Variants in GALNT13 observed in about 807,000 individuals in gnomAD.
GALNT13 encodes UDP-GalNAc:polypeptide N-acetylgalactosaminyltransferase 13.
GALNT13 carries 28 observed loss-of-function variants against 64.2 expected under a neutral mutation model. The observed-to-expected ratio is 0.44, with a 90% CI of 0.32 to 0.60. The LOEUF is 0.60. GALNT13 is among the 20% of genes least tolerant of loss of function. The pLI, the probability that GALNT13 is intolerant of heterozygous loss-of-function variation, is 0.05. For missense variants in GALNT13, 577 were observed against 669.8 expected (o/e 0.86, Z 1.53); for synonymous variants, 214 against 224.6 (o/e 0.95, Z 0.42).
chr2:153,526,945 A>C, the GALNT13 span, among the ~76,000 whole-genome samples: 1 of 152,166 alleles, frequency 6.6e-6, no homozygotes, highest in Non-Finnish European at 1.5e-5. Flanking sequence ...AACTGAGCAG[A>C]AGAAGAAACC....
chr2:153,894,949 G>T (rs1176364080), intron 1 of GALNT13, among the ~76,000 whole-genome samples: 3 of 152,120 alleles, frequency 2.0e-5, no homozygotes, highest in Non-Finnish European at 2.9e-5. Context: ...TGACCTGGTA[G>T]AGCAAACAAA....
At chr2:153,421,507 T>A in the GALNT13 span, 1 of 222,832 alleles carries the variant, frequency 4.5e-6, no homozygotes, top group Admixed American at 4.6e-5. Flanking sequence ...TTAGACTTTG[T>A]GGCATAATCA....
chr2:154,075,801 C>A (rs1700958255), intron 3 of GALNT13, among the ~76,000 whole-genome samples: 1 of 151,598 alleles, frequency 6.6e-6, no homozygotes, highest in African/African-American at 2.4e-5. Flanking sequence ...GTATCACTAA[C>A]TAACTTTGCA....
intron 4 of GALNT13, among the ~76,000 whole-genome samples, chr2:154,179,807 G>A (rs1178595366): frequency 1.4e-5 from 2 of 147,408 alleles, no homozygotes; most frequent in Non-Finnish European, 3.0e-5. Context: ...TTCTGGTTTG[G>A]GGACCCTCTT....
chr2:153,623,413 G>T, the GALNT13 span, among the ~76,000 whole-genome samples: 3,006 of 152,050 alleles, frequency 0.02, 100 homozygotes, highest in African/African-American at 0.07. Context: ...GTGGCACTTG[G>T]CATCAAATCT....
rs1312782134 is a variant in GALNT13 at position 153,998,093 on chromosome 2, T to TG, written c.142+53454_142+53455insG. 2.4e-3 allele frequency among the ~76,000 whole-genome samples: 367 copies of TG among 152,198 alleles called. 7 individuals are homozygous for TG. In the East Asian group the frequency reaches 0.055, roughly 23 times the overall value. On this transcript the variant is annotated intron_variant, in intron 3 of 12. Coordinates refer to ENST00000392825, the MANE Select transcript of GALNT13 (RefSeq NM_052917.4). ...AGTCTTTGCTATTGTGAACAGTGTC[T>TG]CAATAAACATATGTGTGCATGTGTC...
the GALNT13 span, among the ~76,000 whole-genome samples, chr2:153,623,582 T>G: frequency 6.6e-6 from 1 of 152,018 alleles, no homozygotes; most frequent in Non-Finnish European, 1.5e-5. Context: ...TTTTTTAAGC[T>G]TTTAAAATAC....
chr2:154,175,886 A>G (rs79647513), intron 4 of GALNT13, among the ~76,000 whole-genome samples: 4,878 of 152,268 alleles, frequency 0.032, 121 homozygotes, highest in Non-Finnish European at 0.043. Flanking sequence ...CAGTTATTGC[A>G]GTACGTCTAT....
chr2:154,292,531 ATTC>A (rs1279108114), intron 8 of GALNT13, among the ~76,000 whole-genome samples: 2 of 152,176 alleles, frequency 1.3e-5, no homozygotes, highest in Non-Finnish European at 2.9e-5. Flanking sequence ...GCTGGGCTAG[ATTC>A]TTCTAGTTTC....
chr2:153,105,336 A>C, the GALNT13 span, among the ~76,000 whole-genome samples: 4 of 152,218 alleles, frequency 2.6e-5, no homozygotes, highest in East Asian at 7.7e-4. Flanking sequence ...TTCATACTAA[A>C]AACTCTCTAT....
At chr2:153,545,361 G>A in the GALNT13 span, among the ~76,000 whole-genome samples, 3 of 152,162 alleles carry the variant, frequency 2.0e-5, no homozygotes, top group Admixed American at 2.0e-4. Flanking sequence ...TGCCACACAT[G>A]TTGATTCCAT....
At chr2:154,286,122 A>G (rs1050102232) in intron 8 of GALNT13, among the ~76,000 whole-genome samples, 1 of 152,196 alleles carries the variant, frequency 6.6e-6, no homozygotes. Context: ...AGATCGTGTC[A>G]TCAGCAAACA....
At chr2:153,231,082 C>T in the GALNT13 span, among the ~76,000 whole-genome samples, 3 of 152,282 alleles carry the variant, frequency 2.0e-5, no homozygotes, top group Admixed American at 1.3e-4. Flanking sequence ...TTTTCTTCCC[C>T]TCTAAGCTCC....
chr2:153,675,114 C>T, the GALNT13 span, among the ~76,000 whole-genome samples: 1 of 152,192 alleles, frequency 6.6e-6, no homozygotes, highest in Admixed American at 6.5e-5. Context: ...TAAATTAGTT[C>T]AACCATTGTG....
intron 2 of GALNT13, among the ~76,000 whole-genome samples, chr2:153,928,672 T>G (rs1574136332): frequency 6.6e-6 from 1 of 152,196 alleles, no homozygotes; most frequent in Admixed American, 6.6e-5. Flanking sequence ...CTAAATTTCA[T>G]TATGTTTTTG....
chr2:153,148,059 T>C, the GALNT13 span, among the ~76,000 whole-genome samples: 2 of 151,880 alleles, frequency 1.3e-5, no homozygotes, highest in African/African-American at 4.8e-5. Flanking sequence ...AACAGTTTTG[T>C]CTTGACTAAG....
intron 3 of GALNT13, among the ~76,000 whole-genome samples, chr2:153,986,140 C>T (rs1334629795): frequency 6.6e-6 from 1 of 151,990 alleles, no homozygotes; most frequent in Non-Finnish European, 1.5e-5. Context: ...CTTTTCAAAT[C>T]AGTACCTCGT....
chr2:153,541,704 A>G, the GALNT13 span, among the ~76,000 whole-genome samples: 4 of 152,220 alleles, frequency 2.6e-5, no homozygotes, highest in South Asian at 8.3e-4. Flanking sequence ...ACATGCTTAG[A>G]GAAAACAGGA....
the GALNT13 span, among the ~76,000 whole-genome samples, chr2:153,349,299 A>T: frequency 6.6e-6 from 1 of 152,216 alleles, no homozygotes; most frequent in African/African-American, 2.4e-5. Context: ...GTCAGGGAGG[A>T]TAAAGGATGC....
Sources: gnomAD v4.1 joint callset for allele counts (sites outside exome capture counted in the v4.1 genomes callset) on GRCh38, gnomAD v4.1.1 for gene constraint, MANE v1.5 for transcripts, NCBI Gene and HGNC (gene_info 2026-07-23, HGNC 2026-07-21) for gene names.